Variants in PCDH15 observed in about 807,000 individuals in gnomAD.
PCDH15 encodes protocadherin-15.
A neutral mutation model predicts 178.5 loss-of-function variants in PCDH15; 129 were observed. The ratio of observed to expected loss-of-function variants is 0.72; its 90% CI spans 0.63 to 0.84. PCDH15 has a LOEUF of 0.84. PCDH15 is among the 40% of genes least tolerant of loss of function. PCDH15 has a pLI of 0.00. For synonymous variants in PCDH15, 800 were observed against 732.0 expected (o/e 1.09, Z -1.50); for missense variants, 2,230 against 2,099.9 (o/e 1.06, Z -1.21).
intron 2 of PCDH15, among the ~76,000 whole-genome samples, chr10:55,384,777 GA>G (rs1837612282): frequency 6.6e-6 from 1 of 152,118 alleles, no homozygotes; most frequent in African/African-American, 2.4e-5. Context: ...TAGGACGTCA[GA>G]TTTTGGAATT....
chr10:54,154,234 A>G (rs1178014650), intron 13 of PCDH15, among the ~76,000 whole-genome samples: 2 of 152,258 alleles, frequency 1.3e-5, no homozygotes, highest in East Asian at 3.9e-4. Flanking sequence ...TATAGTAAGC[A>G]TTTTACATAC....
intron 8 of PCDH15, among the ~76,000 whole-genome samples, chr10:54,271,852 T>C (rs751375603): frequency 4.0e-5 from 6 of 151,554 alleles, no homozygotes; most frequent in Middle Eastern, 3.2e-3. Context: ...TTTTAGAATA[T>C]TGTAGGGGTA....
chr10:54,622,692 TA>T (rs2093416906), intron 2 of PCDH15, among the ~76,000 whole-genome samples: 1 of 87,390 alleles, frequency 1.1e-5, no homozygotes, highest in Admixed American at 1.9e-4. Flanking sequence ...TATTATATAA[TA>T]TATATTTTCT....
chr10:55,177,680 T>C (rs1455960316), intron 1 of PCDH15, among the ~76,000 whole-genome samples: 1 of 152,114 alleles, frequency 6.6e-6, no homozygotes, highest in African/African-American at 2.4e-5. Flanking sequence ...AATATCAAGC[T>C]CTGCTATTGG....
intron 2 of PCDH15, among the ~76,000 whole-genome samples, chr10:54,922,082 T>C (rs1214514433): frequency 2.6e-5 from 4 of 152,290 alleles, no homozygotes; most frequent in African/African-American, 9.6e-5. Context: ...GTATTACAAT[T>C]CAACATGAGA....
At chr10:55,242,437 CAG>C (rs145670847) in intron 1 of PCDH15, among the ~76,000 whole-genome samples, 21,476 of 152,060 alleles carry the variant, frequency 0.14, 1,613 homozygotes, top group East Asian at 0.27. Context: ...TCTGTTAAAT[CAG>C]AGTTTTGGTT....
At chr10:55,023,674 A>C (rs568581324) in intron 2 of PCDH15, among the ~76,000 whole-genome samples, 1 of 152,160 alleles carries the variant, frequency 6.6e-6, no homozygotes, top group East Asian at 1.9e-4. Context: ...CCTTCTTAAA[A>C]TCTAATTTAC....
chr10:54,656,600 G>A (rs2094410914), intron 2 of PCDH15, among the ~76,000 whole-genome samples: 1 of 152,110 alleles, frequency 6.6e-6, no homozygotes, highest in Non-Finnish European at 1.5e-5. Context: ...CTCAGTCATT[G>A]AGTCACCACA....
At chr10:55,411,495 G>A (rs1838330072) in intron 2 of PCDH15, among the ~76,000 whole-genome samples, 2 of 151,852 alleles carry the variant, frequency 1.3e-5, no homozygotes. Context: ...CTCTCTCCAA[G>A]GCATAGTTAA....
chr10:55,350,270 C>T (rs7897146), intron 2 of PCDH15, among the ~76,000 whole-genome samples: 5,413 of 30,948 alleles, frequency 0.17, 166 homozygotes, highest in Non-Finnish European at 0.22. Flanking sequence ...TATATATATA[C>T]ACACACACAC....
chr10:54,159,375 A>G (rs4347291), intron 13 of PCDH15, among the ~76,000 whole-genome samples: 52,696 of 151,900 alleles, frequency 0.35, 10,021 homozygotes, highest in African/African-American at 0.49. Context: ...CTGGCTTTCC[A>G]GTCTTCATTG....
intron 9 of PCDH15, among the ~76,000 whole-genome samples, chr10:54,232,292 A>G (rs1261232346): frequency 6.6e-6 from 1 of 152,134 alleles, no homozygotes; most frequent in East Asian, 1.9e-4. Flanking sequence ...TGGCCACGTA[A>G]GATGCGCCAA....
intron 26 of PCDH15, among the ~76,000 whole-genome samples, chr10:53,878,362 CATATA>C (rs377579444): frequency 0.099 from 14,141 of 143,538 alleles, 1,606 homozygotes; most frequent in African/African-American, 0.26. Flanking sequence ...TATATATACT[CATATA>C]ATATATTCTA....
At chr10:55,539,914 T>C (rs535420852) in intron 2 of PCDH15, among the ~76,000 whole-genome samples, 17 of 152,208 alleles carry the variant, frequency 1.1e-4, no homozygotes, top group South Asian at 8.3e-4. Flanking sequence ...TCACAATTCT[T>C]TGAGTTAGTT....
chr10:55,538,708 A>T (rs1393112966), intron 2 of PCDH15, among the ~76,000 whole-genome samples: 1 of 3,620 alleles, frequency 2.8e-4, no homozygotes, highest in African/African-American at 1.1e-3. Flanking sequence ...TCATTAAAAC[A>T]TCCCTCCCTT....
chr10:55,317,292 T>C (rs575127665), intron 1 of PCDH15, among the ~76,000 whole-genome samples: 1 of 152,320 alleles, frequency 6.6e-6, no homozygotes, highest in East Asian at 1.9e-4. Flanking sequence ...AATTGTTACT[T>C]TATTATTAAA....
chr10:55,010,391 A>G (rs1823513497), intron 2 of PCDH15, among the ~76,000 whole-genome samples: 1 of 152,170 alleles, frequency 6.6e-6, no homozygotes, highest in South Asian at 2.1e-4. Flanking sequence ...TGGGTGATTT[A>G]AACAATAGAG....
chr10:55,162,681 C>A (rs934276173), intron 2 of PCDH15, among the ~76,000 whole-genome samples: 2 of 152,088 alleles, frequency 1.3e-5, no homozygotes, highest in African/African-American at 2.4e-5. Context: ...TGAGAAGCGC[C>A]TGAATATTGC....
intron 2 of PCDH15, among the ~76,000 whole-genome samples, chr10:55,071,289 AAGACAC>A (rs144162208): frequency 0.49 from 73,495 of 150,910 alleles, 18,564 homozygotes; most frequent in East Asian, 0.74. Flanking sequence ...CTCCAATTAA[AAGACAC>A]AGACTGGCAA....
Sources: allele counts gnomAD v4.1 joint callset (sites outside exome capture counted in the v4.1 genomes callset), GRCh38; gene constraint gnomAD v4.1.1; transcripts MANE v1.5; gene names NCBI Gene and HGNC (gene_info 2026-07-23, HGNC 2026-07-21).